The following OSBPL3 variants were observed in gnomAD, a reference collection of about 807,000 sequenced individuals.
OSBPL3 encodes the protein oxysterol-binding protein-related protein 3.
A neutral mutation model predicts 120.1 loss-of-function variants in OSBPL3; 65 were observed. The observed-to-expected ratio is 0.54, with a 90% CI of 0.44 to 0.67. The LOEUF is 0.67. Ranked by LOEUF, OSBPL3 falls within the 30% of genes least tolerant of loss-of-function variation. The pLI, the probability that OSBPL3 is intolerant of heterozygous loss-of-function variation, is 0.00. For missense variants in OSBPL3, 1,004 were observed against 1,082.1 expected, an observed-to-expected ratio of 0.93 and a Z score of 1.01; for synonymous variants, 416 against 402.6, an observed-to-expected ratio of 1.03 and a Z score of -0.40.
rs761173731 is a variant in OSBPL3, at chr7:24,968,563, A to G, written c.-150+11323T>C. On this transcript the variant is annotated intron_variant, in intron 1 of 22. Coordinates refer to ENST00000313367, the MANE Select transcript of OSBPL3 (RefSeq NM_015550.4). The surrounding 1 kb of genome is among the most constrained non-coding windows in gnomAD (Gnocchi z 4.6). The stretch of plus-strand genomic sequence containing the variant: ...AGGCACACACCACCACGCCCAGCTA[A>G]TTTTTTTATTTTTAGTACAGACAGG... Among the ~76,000 whole-genome samples, 1 of 151,990 alleles carries G rather than the reference A, an allele frequency of 6.6e-6. No individual in the cohort carries two copies. Among genetic ancestry groups the G allele is most frequent in the African/African-American group, 2.4e-5 (1 of 41,364 alleles).
In OSBPL3 at chr7:24,830,643, A is replaced by C. The variant is rs189216304; in HGVS notation, c.1884+125T>G. On this transcript the variant is annotated intron_variant, in intron 16 of 22. Coordinates refer to ENST00000313367, the MANE Select transcript of OSBPL3 (RefSeq NM_015550.4). The surrounding 1 kb of genome is among the most constrained non-coding windows in gnomAD (Gnocchi z 4.4). ...AAATCGATCCCTCCCTTTATGTTGAAAAGCACTGTAATTATCTCGGCTGCT... is the reference window on the plus strand; with the variant it reads ...AAATCGATCCCTCCCTTTATGTTGACAAGCACTGTAATTATCTCGGCTGCT... 311 of 962,028 alleles carry C rather than the reference A, an allele frequency of 3.2e-4. No individual in the cohort carries two copies. The highest frequency in any genetic ancestry group is 6.4e-4 in the Admixed American group (25 of 39,302). The allele number at this position is 962,028 out of a possible 1,614,324, so 59.6% of individuals were successfully genotyped here.
intron 7 of OSBPL3, among the ~76,000 whole-genome samples, 177 bp downstream of exon 7, chr7:24,865,165 G>A (rs1410984312): frequency 1.3e-5 from 2 of 152,218 alleles, no homozygotes; most frequent in African/African-American, 4.8e-5. Flanking sequence ...AGGTGAAGAT[G>A]CAAAGATCTG....
intron 1 of OSBPL3, among the ~76,000 whole-genome samples, chr7:24,960,551 TAG>T (rs1815606095): frequency 6.6e-6 from 1 of 152,158 alleles, no homozygotes; most frequent in African/African-American, 2.4e-5. Flanking sequence ...CTGTGAAATA[TAG>T]AACAGGCACT....
Position 24,813,247 on chromosome 7 carries a change from A to G in OSBPL3, c.2172+1812T>C, listed in dbSNP as rs1794056604. The stretch of plus-strand genomic sequence containing the variant: ...ATATCTGCCAACAAATCCAGTGCTG[A>G]GAATTTGCTGGAAGCCACCAAGGGA... On this transcript the variant is annotated intron_variant, in intron 19 of 22. Transcript: ENST00000313367. This position sits in a 1 kb window ranked among gnomAD's most constrained non-coding sequence, Gnocchi z 4.5. Among the ~76,000 whole-genome samples, 1 of 152,098 alleles carries G rather than the reference A, an allele frequency of 6.6e-6. No individual in the cohort carries two copies. Among genetic ancestry groups the G allele is most frequent in the South Asian group, 2.1e-4 (1 of 4,820 alleles).
At position 24,932,091 on chromosome 7, in the gene OSBPL3, A is replaced by C. The variant is rs987024567; in HGVS notation, c.-149-39470T>G. ...AAAGGCCAGAGGGCTTTCCCTACAG[A>C]CTGGTTCAAACCAGTGGTCAGTTTT... On this transcript the variant is annotated intron_variant, in intron 1 of 22. Coordinates refer to ENST00000313367, the MANE Select transcript of OSBPL3 (RefSeq NM_015550.4). This position sits in a 1 kb window ranked among gnomAD's most constrained non-coding sequence, Gnocchi z 5.6. Among the ~76,000 whole-genome samples, 1 of 152,246 alleles carries C rather than the reference A, an allele frequency of 6.6e-6. No homozygotes were observed. Among genetic ancestry groups the C allele is most frequent in the Non-Finnish European group, 1.5e-5 (1 of 68,042 alleles).
chr7:24,806,724 T>C lies in OSBPL3; in HGVS notation c.2444+52A>G. The C allele has an allele frequency of 1.9e-6, 3 of 1,571,182 alleles. No homozygotes were observed. The highest frequency in any genetic ancestry group is 2.6e-6 in the Non-Finnish European group (3 of 1,154,760). ...GGCCTAAGGATTGTTAATAAGACTT[T>C]TTGTAAAGGGTTTTACATCTCTGGA... is the stretch of plus-strand genomic sequence containing the variant. On this transcript the variant is annotated intron_variant, in intron 21 of 22. Coordinates refer to ENST00000313367, the MANE Select transcript of OSBPL3 (RefSeq NM_015550.4). This position sits in a 1 kb window ranked among gnomAD's most constrained non-coding sequence, Gnocchi z 5.2.
intron 2 of OSBPL3, among the ~76,000 whole-genome samples, chr7:24,884,092 A>AAC (rs369022147): frequency 3.8e-5 from 2 of 52,666 alleles, no homozygotes; most frequent in Non-Finnish European, 6.5e-5. Flanking sequence ...CAGCAACAAC[A>AAC]AAAAAAAACA....
intron 12 of OSBPL3, among the ~76,000 whole-genome samples, chr7:24,842,980 C>T (rs1797967370): frequency 6.6e-6 from 1 of 152,210 alleles, no homozygotes; most frequent in Admixed American, 6.5e-5. Flanking sequence ...TTGTCTGTCT[C>T]TTTCCACCTA....
At position 24,863,641 on chromosome 7, in the gene OSBPL3, C is replaced by G. The variant is rs759907512; in HGVS notation, c.674-42G>C. 8.0e-7 allele frequency: 1 copy of G among 1,246,920 alleles called. No individual in the cohort carries two copies. Among genetic ancestry groups the G allele is most frequent in the Non-Finnish European group, 1.2e-6 (1 of 845,524 alleles). 77.2% of individuals were successfully genotyped at this position (1,246,920 alleles called of 1,614,324 possible). ...GACAGTGCTCACAATGCTCCACTAG[C>G]AAGAGGGATCACTGTGCTGTCCCCA... On this transcript the variant is annotated intron_variant, in intron 7 of 22. Coordinates refer to ENST00000313367, the MANE Select transcript of OSBPL3 (RefSeq NM_015550.4). This position sits in a 1 kb window ranked among gnomAD's most constrained non-coding sequence, Gnocchi z 5.8.
chr7:24,880,899 A>C (rs1767944993), intron 2 of OSBPL3, among the ~76,000 whole-genome samples: 1 of 152,182 alleles, frequency 6.6e-6, no homozygotes, highest in Admixed American at 6.5e-5. Context: ...TACCTTTATT[A>C]TATTTTAATT....
In OSBPL3 at chr7:24,863,390, T is replaced by G; in HGVS notation, c.778-98A>C. The G allele has an allele frequency of 7.2e-7, 1 of 1,394,326 alleles. No homozygotes were observed. Among genetic ancestry groups the G allele is most frequent in the Non-Finnish European group, 1.0e-6 (1 of 980,142 alleles). The allele number at this position is 1,394,326 out of a possible 1,614,324, so 86.4% of individuals were successfully genotyped here. On this transcript the variant is annotated intron_variant, in intron 8 of 22. Transcript: ENST00000313367. This position sits in a 1 kb window ranked among gnomAD's most constrained non-coding sequence, Gnocchi z 5.8. The stretch of plus-strand genomic sequence containing the variant: ...AGTGACCACCTCCATCCCCTTGACT[T>G]TGGCTGAAGCAACTGACCACAGCAT...
chr7:24,849,053 C>T lies in OSBPL3; in HGVS notation c.1266+16G>A, dbSNP rs200806173. ...CGGCAGCTGGGGAGACATTACCAGACGAGAAACCTACCCACCTCTGCCAGA... is the reference window on the plus strand; with the variant it reads ...CGGCAGCTGGGGAGACATTACCAGATGAGAAACCTACCCACCTCTGCCAGA... On this transcript the variant is annotated intron_variant, in intron 12 of 22. Transcript: ENST00000313367. This position sits in a 1 kb window ranked among gnomAD's most constrained non-coding sequence, Gnocchi z 5.4. The T allele has an allele frequency of 1.5e-4, 234 of 1,590,852 alleles. No individual in the cohort carries two copies. Among genetic ancestry groups the T allele is most frequent in the Non-Finnish European group, 1.9e-4 (220 of 1,159,736 alleles).
At chr7:24,928,447 T>C (rs1339317964) in intron 1 of OSBPL3, among the ~76,000 whole-genome samples, 2 of 152,242 alleles carry the variant, frequency 1.3e-5, no homozygotes, top group African/African-American at 2.4e-5. Flanking sequence ...CACCTTGGCC[T>C]CCCAAAGTGC....
Position 24,851,244 on chromosome 7 carries a change from G to A in OSBPL3, c.1158+1260C>T, listed in dbSNP as rs1476310277. ...TCTCTCAAACCAAAATGGCACCAGTGTATGGCTGTCTTGTACAATAAAAAG... is the reference window on the plus strand; with the variant it reads ...TCTCTCAAACCAAAATGGCACCAGTATATGGCTGTCTTGTACAATAAAAAG... On this transcript the variant is annotated intron_variant, in intron 11 of 22. Coordinates refer to ENST00000313367, the MANE Select transcript of OSBPL3 (RefSeq NM_015550.4). This position sits in a 1 kb window ranked among gnomAD's most constrained non-coding sequence, Gnocchi z 4.1. Among the ~76,000 whole-genome samples the A allele has an allele frequency of 6.6e-6, 1 of 152,234 alleles. No individual in the cohort carries two copies. The highest frequency in any genetic ancestry group is 1.5e-5 in the Non-Finnish European group (1 of 68,046).
At chr7:24,842,241 A>C (rs1797868597) in intron 13 of OSBPL3, 38 bp downstream of exon 13, 2 of 1,599,122 alleles carry the variant, frequency 1.3e-6, no homozygotes, top group African/African-American at 2.7e-5. Flanking sequence ...GCAACAAGAG[A>C]GATTTTTGAG....
chr7:24,962,284 C>T (rs1364433307), intron 1 of OSBPL3, among the ~76,000 whole-genome samples: 2 of 149,918 alleles, frequency 1.3e-5, no homozygotes, highest in African/African-American at 2.5e-5. Context: ...GCCTGGGCGA[C>T]GAGAGTGAAA....
In OSBPL3 at chr7:24,834,665, T is replaced by C. The variant is rs976129529; in HGVS notation, c.1567A>G (p.Ser523Gly). The change falls in exon 15 of 23, where the codon AGC becomes GGC. Residue 523 changes from serine to glycine, a missense_variant. By Grantham distance (56) the Ser-to-Gly change is moderately conservative. Transcript: ENST00000313367. The surrounding 1 kb of genome is among the most constrained non-coding windows in gnomAD (Gnocchi z 5.2). The part of the protein sequence containing the change: ...RTCLPAPCPS[S>G]SNISLWNILR... ...ATGTTCCACAGGCTGATGTTACTGC[T>C]GCTCGGGCAGGGCGCCGGCAGGCAC... 5.6e-6 allele frequency: 9 copies of C among 1,614,080 alleles called. No homozygotes were observed. The highest frequency in any genetic ancestry group is 5.9e-6 in the Non-Finnish European group (7 of 1,180,018).
At chr7:24,976,030 G>C (rs1445871511) in intron 1 of OSBPL3, among the ~76,000 whole-genome samples, 1 of 152,216 alleles carries the variant, frequency 6.6e-6, no homozygotes, top group Non-Finnish European at 1.5e-5. Context: ...CTGCTGGATC[G>C]TGACTTTAGG....
Position 24,871,855 on chromosome 7 carries a change from T to G in OSBPL3, c.214-60A>C. 1 of 1,495,498 alleles carries G rather than the reference T, an allele frequency of 6.7e-7. No homozygotes were observed. The highest frequency in any genetic ancestry group is 9.3e-7 in the Non-Finnish European group (1 of 1,072,952). 92.6% of individuals were successfully genotyped at this position (1,495,498 alleles called of 1,614,324 possible). A position where few individuals can be genotyped will look rare whatever the true frequency, so the allele number is the denominator to read the frequency against. ...CAATTTAGGTGCCCTTTTCTTGGTC[T>G]CAAATTCCAACTAGAAATTAAATAT... On this transcript the variant is annotated intron_variant, in intron 3 of 22. Coordinates refer to ENST00000313367, the MANE Select transcript of OSBPL3 (RefSeq NM_015550.4). This position sits in a 1 kb window ranked among gnomAD's most constrained non-coding sequence, Gnocchi z 4.8.
Sources: allele counts gnomAD v4.1 joint callset (sites outside exome capture counted in the v4.1 genomes callset), GRCh38; gene constraint gnomAD v4.1.1; non-coding constraint Gnocchi (gnomAD v3.1); transcripts MANE v1.5; gene names NCBI Gene and HGNC (gene_info 2026-07-23, HGNC 2026-07-21).